Variants in YJU2 observed in about 807,000 individuals in gnomAD.
YJU2 encodes the protein YJU2 splicing factor homolog.
YJU2 carries 28 observed loss-of-function variants against 39.6 expected under a neutral mutation model. The ratio of observed to expected loss-of-function variants is 0.71; its 90% CI spans 0.52 to 0.97. The LOEUF (loss-of-function observed/expected upper bound fraction) is 0.97, where lower values mean the gene tolerates loss of function less well. YJU2 is among the 50% of genes least tolerant of loss of function. The probability of loss-of-function intolerance (pLI) is 0.00; values close to 1 mark genes in which losing one functional copy is unlikely to be tolerated. For missense variants in YJU2, 328 were observed against 430.4 expected (o/e 0.76, Z 2.11); for synonymous variants, 184 against 182.4 (o/e 1.01, Z -0.07).
At chr19:4,250,535 G>A (rs1970967460) in intron 2 of YJU2, among the ~76,000 whole-genome samples, 1 of 152,134 alleles carries the variant, frequency 6.6e-6, no homozygotes, top group Admixed American at 6.6e-5. Context: ...GTGGCGCTGA[G>A]GTCTGAGGAT....
chr19:4,265,743 C>G (rs1971110340), intron 6 of YJU2, among the ~76,000 whole-genome samples: 1 of 151,544 alleles, frequency 6.6e-6, no homozygotes, highest in Non-Finnish European at 1.5e-5. Context: ...CGTGTGCTAC[C>G]ACACCTGGCT....
At chr19:4,265,950 G>A (rs565241109) in intron 6 of YJU2, among the ~76,000 whole-genome samples, 1 of 141,708 alleles carries the variant, frequency 7.1e-6, no homozygotes, top group South Asian at 2.2e-4. Flanking sequence ...CCAGAGCTAC[G>A]ACATTTTTTT....
At chr19:4,252,683 G>C (rs1366795140) in intron 3 of YJU2, among the ~76,000 whole-genome samples, 1 of 152,170 alleles carries the variant, frequency 6.6e-6, no homozygotes, top group Non-Finnish European at 1.5e-5. Context: ...CCAACACTTT[G>C]AGAGGTCAAG....
intron 2 of YJU2, 58 bp downstream of exon 2, chr19:4,249,386 GC>G (rs755739742): frequency 1.4e-5 from 16 of 1,159,862 alleles, no homozygotes; most frequent in Non-Finnish European, 1.9e-5. Context: ...GCAGTGCCTG[GC>G]ATCCACAGAG....
intron 4 of YJU2, 145 bp from the exon 5 acceptor site, chr19:4,258,097 G>T (rs898595011): frequency 8.3e-7 from 1 of 1,199,736 alleles, no homozygotes; most frequent in Admixed American, 2.6e-5. Flanking sequence ...CACAGCGCTG[G>T]GCATGGGCAG....
intron 4 of YJU2, among the ~76,000 whole-genome samples, chr19:4,256,169 C>CAA (rs368146793): frequency 0.044 from 5,181 of 117,252 alleles, 151 homozygotes; most frequent in Middle Eastern, 0.07. Flanking sequence ...AAGACTGTCG[C>CAA]AAAAAAAAAA....
chr19:4,250,911 G>C, intron 2 of YJU2, 116 bp from the exon 3 acceptor site: 1 of 1,139,970 alleles, frequency 8.8e-7, no homozygotes, highest in South Asian at 1.5e-5. Flanking sequence ...TTGAAGGAGG[G>C]AGCTCCCCGT....
At position 4,269,021 on chromosome 19, in the gene YJU2, C is replaced by T. The variant is rs367888857; in HGVS notation, c.*325C>T. Reference sequence around the variant, plus strand: ...TGTTTGGGGCACTGGGCGAGCCTGCCGGCCTCTAGATGGCCTCATCTCTTC... The same window carrying T: ...TGTTTGGGGCACTGGGCGAGCCTGCTGGCCTCTAGATGGCCTCATCTCTTC... On this transcript the variant is annotated 3_prime_UTR_variant, in exon 8 of 8. Transcript: ENST00000262962. 7.5e-5 allele frequency: 24 copies of T among 320,696 alleles called. No homozygotes were observed. Among genetic ancestry groups the T allele is most frequent in the African/African-American group, 1.7e-4 (8 of 46,850 alleles). The allele number at this position is 320,696 out of a possible 1,614,324, so 19.9% of individuals were successfully genotyped here. A position where few individuals can be genotyped will look rare whatever the true frequency, so the allele number is the denominator to read the frequency against.
At chr19:4,251,632 C>T (rs1391927120) in intron 3 of YJU2, among the ~76,000 whole-genome samples, 2 of 146,858 alleles carry the variant, frequency 1.4e-5, no homozygotes, top group African/African-American at 2.5e-5. Context: ...TTGCAGTGAG[C>T]GAAGATTGCA....
chr19:4,267,864 G>A, intron 7 of YJU2, 90 bp downstream of exon 7: 1 of 1,241,874 alleles, frequency 8.1e-7, no homozygotes, highest in South Asian at 1.4e-5. Flanking sequence ...GAGACTTCAT[G>A]GGGTGGGTGG....
intron 5 of YJU2, among the ~76,000 whole-genome samples, chr19:4,259,331 G>A (rs899121491): frequency 2.0e-5 from 3 of 151,672 alleles, no homozygotes; most frequent in Non-Finnish European, 4.4e-5. Context: ...CGCCCGCCTC[G>A]GCCTCCCAAA....
At chr19:4,259,749 C>G (rs1453598685) in intron 5 of YJU2, among the ~76,000 whole-genome samples, 1 of 152,098 alleles carries the variant, frequency 6.6e-6, no homozygotes, top group Non-Finnish European at 1.5e-5. Flanking sequence ...TGCCTCATCT[C>G]CCCTCCCTCC....
chr19:4,262,260 A>G, intron 6 of YJU2, 146 bp downstream of exon 6: 5 of 819,492 alleles, frequency 6.1e-6, no homozygotes, highest in Non-Finnish European at 9.2e-6. Flanking sequence ...GTGCAGTGGC[A>G]CGATCTTGGC....
rs1971140752 is a variant in YJU2 at position 4,268,925 on chromosome 19, C to T, written c.*229C>T. The T allele has an allele frequency of 2.2e-5, 12 of 554,900 alleles. No individual in the cohort carries two copies. The highest frequency in any genetic ancestry group is 1.8e-4 in the South Asian group (9 of 48,656). The allele number at this position is 554,900 out of a possible 1,614,324, so 34.4% of individuals were successfully genotyped here. A position where few individuals can be genotyped will look rare whatever the true frequency, so the allele number is the denominator to read the frequency against. ...ACCTCGGGGACCCCTGCTGCTCCTG[C>T]CCCCACCTGTCACTGTGCTTAGGGC... On this transcript the variant is annotated 3_prime_UTR_variant, in exon 8 of 8. Coordinates refer to ENST00000262962, the MANE Select transcript of YJU2 (RefSeq NM_018074.6).
chr19:4,258,494 G>A, intron 5 of YJU2, 71 bp downstream of exon 5: 1 of 1,511,184 alleles, frequency 6.6e-7, no homozygotes. Flanking sequence ...CTCTGCCCCA[G>A]ACCCTTTCCC....
chr19:4,267,886 G>A, intron 7 of YJU2, 112 bp downstream of exon 7: 5 of 934,992 alleles, frequency 5.3e-6, no homozygotes, highest in South Asian at 4.9e-5. Flanking sequence ...GGCGGCCTGC[G>A]ACCCCCACAG....
chr19:4,264,216 T>G (rs916446709), intron 6 of YJU2, among the ~76,000 whole-genome samples: 14 of 135,462 alleles, frequency 1.0e-4, no homozygotes, highest in Non-Finnish European at 1.7e-4. Context: ...GAGCCGAGAT[T>G]GTGCCACTGC....
chr19:4,247,590 T>TGGC (rs1568359517), intron 1 of YJU2, among the ~76,000 whole-genome samples: 94 of 5,144 alleles, frequency 0.018, 13 homozygotes, highest in East Asian at 0.035. Context: ...CGCGTGTGTG[T>TGGC]GTGTGTGTGT....
chr19:4,263,287 T>G (rs1971087569), intron 6 of YJU2, among the ~76,000 whole-genome samples: 1 of 152,164 alleles, frequency 6.6e-6, no homozygotes, highest in Admixed American at 6.6e-5. Context: ...TCCTTCCTTC[T>G]GGAGCACGGC....
Sources: gnomAD v4.1 joint callset for allele counts (sites outside exome capture counted in the v4.1 genomes callset) on GRCh38, gnomAD v4.1.1 for gene constraint, MANE v1.5 for transcripts, NCBI Gene and HGNC (gene_info 2026-07-23, HGNC 2026-07-21) for gene names.